DACH1: variants seen among roughly 807,000 people sequenced by gnomAD.
The protein encoded by DACH1 is dachshund family transcription factor 1, also known as dachshund homolog 1.
Under a neutral mutation model 54.2 loss-of-function variants are expected in DACH1, and 12 were observed. That is an observed-to-expected ratio of 0.22 (90% confidence interval 0.14 to 0.36). DACH1 has a LOEUF of 0.36. Among genes scored for constraint, DACH1 ranks in the 10% least tolerant of loss-of-function variants. The pLI is 1.00. For missense variants in DACH1, 805 were observed against 929.8 expected, an observed-to-expected ratio of 0.87 and a Z score of 1.75; for synonymous variants, 386 against 366.2, an observed-to-expected ratio of 1.05 and a Z score of -0.62.
At chr13:71,632,629 C>A (rs532588672) in intron 2 of DACH1, among the ~76,000 whole-genome samples, 2 of 151,966 alleles carry the variant, frequency 1.3e-5, no homozygotes, top group Non-Finnish European at 2.9e-5. Flanking sequence ...AGTATTTTTC[C>A]ATGAAAATCT....
intron 1 of DACH1, among the ~76,000 whole-genome samples, chr13:71,779,013 C>T (rs1322592912): frequency 1.3e-5 from 2 of 151,330 alleles, no homozygotes; most frequent in African/African-American, 4.8e-5. Context: ...AACTTTGATA[C>T]CTTTTCTTCT....
chr13:71,485,704 T>C (rs904365881), intron 7 of DACH1, among the ~76,000 whole-genome samples: 12 of 147,564 alleles, frequency 8.1e-5, no homozygotes, highest in Non-Finnish European at 1.6e-4. Context: ...AGCCTCAGCC[T>C]CCTGAGTACC....
At chr13:71,538,958 A>C (rs571850108) in intron 6 of DACH1, among the ~76,000 whole-genome samples, 1 of 152,208 alleles carries the variant, frequency 6.6e-6, no homozygotes, top group Middle Eastern at 3.4e-3. Context: ...ATTTATGTTT[A>C]TCACATAAAA....
At chr13:71,796,701 T>C (rs147636941) in intron 1 of DACH1, among the ~76,000 whole-genome samples, 144 of 152,144 alleles carry the variant, frequency 9.5e-4, no homozygotes, top group African/African-American at 3.4e-3. Context: ...GAAAATCACA[T>C]AGAGACACAT....
intron 1 of DACH1, chr13:71,704,568 T>G (rs565043823): frequency 2.1e-6 from 1 of 471,406 alleles, no homozygotes; most frequent in South Asian, 1.7e-5. Context: ...AGCACCAGCC[T>G]GCTCCACCCA....
At chr13:71,721,643 C>T (rs980254774) in intron 1 of DACH1, among the ~76,000 whole-genome samples, 1 of 151,932 alleles carries the variant, frequency 6.6e-6, no homozygotes, top group African/African-American at 2.4e-5. Context: ...AGGACTAGTC[C>T]TCATTTTCTT....
chr13:71,441,409 A>C (rs1873996871), intron 10 of DACH1, among the ~76,000 whole-genome samples: 1 of 152,044 alleles, frequency 6.6e-6, no homozygotes, highest in African/African-American at 2.4e-5. Flanking sequence ...CAAACCAAAA[A>C]TAAAACAATA....
At chr13:71,740,986 A>G (rs529816497) in intron 1 of DACH1, among the ~76,000 whole-genome samples, 1 of 152,294 alleles carries the variant, frequency 6.6e-6, no homozygotes, top group South Asian at 2.1e-4. Context: ...ATCACTGAAG[A>G]TAACATGAAA....
At position 71,497,349 on chromosome 13, in the gene DACH1, G is replaced by C. The variant is rs1368429822; in HGVS notation, c.1571-8201C>G. Among the ~76,000 whole-genome samples the C allele has an allele frequency of 5.5e-5, 8 of 145,358 alleles. No individual in the cohort carries two copies. The Admixed American group carries it at 5.5e-4, about 10-fold the overall frequency. On this transcript the variant is annotated intron_variant, in intron 6 of 10. Coordinates refer to ENST00000613252, the MANE Select transcript of DACH1 (RefSeq NM_080759.6). ...CTGTGGTTTCTTCCTTTTTTTTTTT[G>C]AGACTGAGTTTCGCTCTTATTGCCC...
intron 1 of DACH1, among the ~76,000 whole-genome samples, chr13:71,774,086 G>C (rs1885970674): frequency 6.6e-6 from 1 of 151,944 alleles, no homozygotes; most frequent in African/African-American, 2.4e-5. Context: ...TCAGTGATGT[G>C]ACTCCCTGGG....
intron 10 of DACH1, among the ~76,000 whole-genome samples, chr13:71,449,656 T>A (rs1447589430): frequency 6.6e-6 from 1 of 152,120 alleles, no homozygotes; most frequent in African/African-American, 2.4e-5. Flanking sequence ...CAAACATGCA[T>A]GTTCTGCACA....
intron 1 of DACH1, among the ~76,000 whole-genome samples, chr13:71,858,403 T>A (rs1346863984): frequency 1.3e-5 from 2 of 151,746 alleles, no homozygotes; most frequent in Non-Finnish European, 3.0e-5. Context: ...TATTCAATGT[T>A]ACCAATCAAC....
chr13:71,761,480 G>A (rs926120798), intron 1 of DACH1, among the ~76,000 whole-genome samples: 6 of 152,184 alleles, frequency 3.9e-5, no homozygotes, highest in Admixed American at 1.3e-4. Context: ...TAAAATCATC[G>A]TCAAGTAGGA....
At chr13:71,852,471 A>G (rs142291203) in intron 1 of DACH1, among the ~76,000 whole-genome samples, 1 of 152,294 alleles carries the variant, frequency 6.6e-6, no homozygotes, top group East Asian at 1.9e-4. Flanking sequence ...TAGATTCAAG[A>G]AGCATATCCT....
chr13:71,651,533 C>T (rs1179358779), intron 2 of DACH1, among the ~76,000 whole-genome samples: 3 of 151,858 alleles, frequency 2.0e-5, no homozygotes, highest in Non-Finnish European at 1.5e-5. Context: ...TGGTGGCACA[C>T]GCCTGTAGTC....
rs114786322 is a variant in DACH1 at position 71,552,047 on chromosome 13, T to C, written c.1570+4977A>G. On this transcript the variant is annotated intron_variant, in intron 6 of 10. Coordinates refer to ENST00000613252, the MANE Select transcript of DACH1 (RefSeq NM_080759.6). ...ATTAGTCCTGCCTCTGAAATGTTGGTCTCCTGAAGTTGTCACCAGTGAAAG... is the reference window on the plus strand; with the variant it reads ...ATTAGTCCTGCCTCTGAAATGTTGGCCTCCTGAAGTTGTCACCAGTGAAAG... Among the ~76,000 whole-genome samples the C allele has an allele frequency of 5.8e-3, 880 of 152,122 alleles. 9 individuals are homozygous for C. The highest frequency in any genetic ancestry group is 0.02 in the African/African-American group (832 of 41,486).
chr13:71,840,829 A>C (rs1872790127), intron 1 of DACH1, among the ~76,000 whole-genome samples: 1 of 152,232 alleles, frequency 6.6e-6, no homozygotes, highest in African/African-American at 2.4e-5. Flanking sequence ...CTTTAAGCTT[A>C]GATTTCCAAG....
intron 10 of DACH1, among the ~76,000 whole-genome samples, chr13:71,469,468 T>G (rs563106587): frequency 6.6e-6 from 1 of 152,010 alleles, no homozygotes; most frequent in Non-Finnish European, 1.5e-5. Flanking sequence ...TAATAATATA[T>G]TGTAAAAGAG....
intron 6 of DACH1, among the ~76,000 whole-genome samples, 194 bp downstream of exon 6, chr13:71,556,830 G>C (rs1422572673): frequency 6.6e-6 from 1 of 151,928 alleles, no homozygotes. Flanking sequence ...TGTAAGAGAA[G>C]TGCAGCAGGT....
Sources: gnomAD v4.1 joint callset for allele counts (sites outside exome capture counted in the v4.1 genomes callset) on GRCh38, gnomAD v4.1.1 for gene constraint, MANE v1.5 for transcripts, NCBI Gene and HGNC (gene_info 2026-07-23, HGNC 2026-07-21) for gene names.